TENM4: variants seen among roughly 807,000 people sequenced by gnomAD.
The protein encoded by TENM4 is teneurin transmembrane protein 4.
TENM4 carries 82 observed loss-of-function variants against 243.3 expected under a neutral mutation model. The ratio of observed to expected loss-of-function variants is 0.34; its 90% CI spans 0.28 to 0.40. The LOEUF (loss-of-function observed/expected upper bound fraction) is 0.40, where lower values mean the gene tolerates loss of function less well. TENM4 is among the 10% of genes least tolerant of loss of function. TENM4 has a pLI of 1.00. For missense variants in TENM4, 3,138 were observed against 3,673.3 expected (o/e 0.85, Z 3.77); for synonymous variants, 1,412 against 1,456.3 (o/e 0.97, Z 0.69).
rs532617109 is a variant in TENM4, at chr11:79,069,620, TCACCTGTGCCACGCC to T, written c.223+87_223+101del. 8 of 1,409,590 alleles carry T rather than the reference TCACCTGTGCCACGCC, an allele frequency of 5.7e-6. No homozygotes were observed. In the East Asian group the frequency reaches 1.0e-4, roughly 18 times the overall value. 87.3% of individuals were successfully genotyped at this position (1,409,590 alleles called of 1,614,324 possible). On this transcript the variant is annotated intron_variant, in intron 5 of 33. Transcript: ENST00000278550. ...ATGGCACCCCAACTGGTGTTCCAGC[TCACCTGTGCCACGCC>T]CACCTGCGCCACGCCCACCCGAGCC...
At chr11:78,894,979 TAAAAA>T (rs67819510) in intron 7 of TENM4, among the ~76,000 whole-genome samples, 12 of 59,492 alleles carry the variant, frequency 2.0e-4, no homozygotes, top group Middle Eastern at 9.4e-3. Flanking sequence ...GACTCGGCCT[TAAAAA>T]AAAAAAAAAA....
chr11:78,669,790 G>C lies in TENM4; in HGVS notation c.6555C>G (p.Pro2185=). The change falls in exon 32 of 34, where the codon CCC becomes CCG. Residue 2185 remains proline, a synonymous_variant. Transcript: ENST00000278550. The surrounding 1 kb of genome is among the most constrained non-coding windows in gnomAD (Gnocchi z 6.4). ...AGGAGTAGCGAGTGGTATTGGCGTAGGGTCCTACCTTCAGCTCCTTCTTCA... is the reference window on the plus strand; with the variant it reads ...AGGAGTAGCGAGTGGTATTGGCGTACGGTCCTACCTTCAGCTCCTTCTTCA... ...RVVKKELKVG[P]YANTTRYSYE... is the part of the protein sequence containing the mutation. 1 of 1,613,936 alleles carries C rather than the reference G, an allele frequency of 6.2e-7. No individual in the cohort carries two copies. The highest frequency in any genetic ancestry group is 8.5e-7 in the Non-Finnish European group (1 of 1,179,882).
At chr11:79,195,499 A>C (rs141953872) in intron 3 of TENM4, among the ~76,000 whole-genome samples, 32 of 152,332 alleles carry the variant, frequency 2.1e-4, no homozygotes, top group African/African-American at 7.7e-4. Flanking sequence ...CAGCTCTTGC[A>C]TCAGTGTGAC....
At chr11:79,135,621 G>A (rs1190358778) in intron 4 of TENM4, among the ~76,000 whole-genome samples, 1 of 149,928 alleles carries the variant, frequency 6.7e-6, no homozygotes, top group African/African-American at 2.5e-5. Context: ...CAATCAACCA[G>A]TGGATAAAGT....
chr11:79,422,873 A>G (rs1181565185), intron 1 of TENM4, among the ~76,000 whole-genome samples: 1 of 152,120 alleles, frequency 6.6e-6, no homozygotes, highest in Non-Finnish European at 1.5e-5. Flanking sequence ...TAAGGCAGGC[A>G]TTTGCTTGTC....
chr11:78,880,367 T>C (rs1252131319), intron 9 of TENM4, among the ~76,000 whole-genome samples: 3 of 149,488 alleles, frequency 2.0e-5, no homozygotes, highest in African/African-American at 7.5e-5. Context: ...TTTGTTCACA[T>C]GTTTATCTGC....
At chr11:79,405,847 CAAAAAAA>C (rs763128589) in intron 1 of TENM4, among the ~76,000 whole-genome samples, 3 of 69,266 alleles carry the variant, frequency 4.3e-5, no homozygotes, top group African/African-American at 1.0e-4. Context: ...ATTGTGATTT[CAAAAAAA>C]AAAAAAAAAA....
intron 1 of TENM4, among the ~76,000 whole-genome samples, chr11:79,374,743 GA>G (rs201147746): frequency 0.018 from 2,697 of 151,940 alleles, 83 homozygotes; most frequent in African/African-American, 0.062. Flanking sequence ...TAGTTTAAGA[GA>G]AAAAAATGAT....
intron 27 of TENM4, among the ~76,000 whole-genome samples, chr11:78,706,107 G>C (rs1032392536): frequency 6.6e-6 from 1 of 152,122 alleles, no homozygotes; most frequent in Non-Finnish European, 1.5e-5. Context: ...CTATAAAATG[G>C]GGGTAGATCA....
intron 2 of TENM4, among the ~76,000 whole-genome samples, chr11:79,238,232 G>C (rs753291269): frequency 6.6e-6 from 1 of 152,180 alleles, no homozygotes; most frequent in Non-Finnish European, 1.5e-5. Context: ...GACTCAGGGG[G>C]ATGGGACCTG....
intron 12 of TENM4, among the ~76,000 whole-genome samples, chr11:78,845,036 T>C (rs534942467): frequency 6.6e-6 from 1 of 152,318 alleles, no homozygotes; most frequent in Non-Finnish European, 1.5e-5. Flanking sequence ...AATATGTCCT[T>C]TCTGCCTCAC....
intron 2 of TENM4, among the ~76,000 whole-genome samples, chr11:79,252,155 T>C (rs777254395): frequency 5.3e-5 from 8 of 152,244 alleles, no homozygotes; most frequent in Non-Finnish European, 1.2e-4. Context: ...TGAGGAATTA[T>C]GAAATAAACA....
chr11:78,704,101 A>G lies in TENM4; in HGVS notation c.4210-1698T>C, dbSNP rs141143937. Reference sequence around the variant, plus strand: ...AATATATACATACATATACATATGTATGTGTGTGTGTCTATATATATATAT... The same window carrying G: ...AATATATACATACATATACATATGTGTGTGTGTGTGTCTATATATATATAT... On this transcript the variant is annotated intron_variant, in intron 27 of 33. Transcript: ENST00000278550. Among the ~76,000 whole-genome samples, 1,192 of 138,542 alleles carry G rather than the reference A, an allele frequency of 8.6e-3. 14 individuals are homozygous for G. The highest frequency in any genetic ancestry group is 0.03 in the African/African-American group (1,093 of 35,992). The allele number at this position is 138,542 out of a possible 152,430, so 90.9% of individuals were successfully genotyped here. A position where few individuals can be genotyped will look rare whatever the true frequency, so the allele number is the denominator to read the frequency against.
At chr11:78,959,855 A>G (rs1029304746) in intron 6 of TENM4, among the ~76,000 whole-genome samples, 3 of 152,178 alleles carry the variant, frequency 2.0e-5, no homozygotes, top group African/African-American at 4.8e-5. Flanking sequence ...AAAGGAAGAG[A>G]TTAAGGACTT....
rs201135194 is a variant in TENM4, at chr11:78,702,135, C to T, written c.4478G>A (p.Arg1493His). The T allele has an allele frequency of 2.4e-5, 39 of 1,613,756 alleles. 1 individual carries two copies. The Middle Eastern group carries it at 4.9e-4, about 20-fold the overall frequency. ...IAETDEKKIN[R>H]IRQVTTSGEI... ...TCCACTAGTGGTGACCTGCCTGATG[C>T]GGTTGATCTTTTTCTCATCAGTCTC... is the stretch of plus-strand genomic sequence containing the variant. The change falls in exon 28 of 34, where the codon CGC becomes CAC. Residue 1493 changes from arginine (R) to histidine (H), a missense_variant. Around this residue, in one of 2 missense-constraint regions of TENM4, gnomAD observed 2,467 missense variants for 3,059.1 expected, o/e 0.81. Transcript: ENST00000278550.
intron 25 of TENM4, among the ~76,000 whole-genome samples, chr11:78,719,310 G>A (rs7122005): frequency 0.033 from 4,957 of 152,084 alleles, 300 homozygotes; most frequent in African/African-American, 0.12. Context: ...GCGATAGAAC[G>A]CTATAGTCCA....
In TENM4 at chr11:78,784,631, G is replaced by A. The variant is rs564344375; in HGVS notation, c.2365+2267C>T. 1.2e-4 allele frequency among the ~76,000 whole-genome samples: 18 copies of A among 152,310 alleles called. No homozygotes were observed. In the South Asian group the frequency reaches 1.2e-3, roughly 11 times the overall value. On this transcript the variant is annotated intron_variant, in intron 16 of 33. Coordinates refer to ENST00000278550, the MANE Select transcript of TENM4 (RefSeq NM_001098816.3). ...TGACATTTCTTTGGTATTTAGGACC[G>A]TCAACCTTATTCTTATATTGTGCAC...
At chr11:79,391,266 A>T (rs189612081) in intron 1 of TENM4, among the ~76,000 whole-genome samples, 129 of 151,942 alleles carry the variant, frequency 8.5e-4, no homozygotes, top group African/African-American at 2.9e-3. Context: ...TTTTTCCATC[A>T]TAATTTCAAC....
chr11:79,366,595 G>A (rs924084563), intron 1 of TENM4, among the ~76,000 whole-genome samples: 1 of 152,188 alleles, frequency 6.6e-6, no homozygotes. Flanking sequence ...CAAAGGTAAT[G>A]TAACCAATAG....
Sources: gnomAD v4.1 joint callset for allele counts (sites outside exome capture counted in the v4.1 genomes callset) on GRCh38, gnomAD v4.1.1 for gene constraint, gnomAD v4.1.1 regional missense constraint, Gnocchi (gnomAD v3.1) non-coding constraint, MANE v1.5 for transcripts, NCBI Gene and HGNC (gene_info 2026-07-23, HGNC 2026-07-21) for gene names.